Variants in DACH2 observed in about 807,000 individuals in gnomAD.
DACH2 encodes the protein dachshund homolog 2.
In DACH2, 17 loss-of-function variants were observed where a neutral mutation model predicts 35.8. The observed-to-expected ratio is 0.48, with a 90% confidence interval of 0.33 to 0.71. The LOEUF (loss-of-function observed/expected upper bound fraction) is 0.71. Ranked by LOEUF, DACH2 falls within the 30% of genes least tolerant of loss-of-function variation. DACH2 has a pLI of 0.02. For synonymous variants in DACH2, 195 were observed against 177.3 expected (o/e 1.10, Z -0.79); for missense variants, 469 against 472.7 (o/e 0.99, Z 0.07).
chrX:86,195,121 C>G (rs1222604452), intron 1 of DACH2, among the ~76,000 whole-genome samples: 1 of 113,002 alleles, frequency 8.8e-6, no homozygotes, highest in East Asian at 2.8e-4. Flanking sequence ...TTTTTGCCAG[C>G]ATGTGCGTGT....
chrX:86,612,359 C>A (rs192140806), intron 3 of DACH2, among the ~76,000 whole-genome samples: 139 of 109,846 alleles, frequency 1.3e-3, no homozygotes, highest in Non-Finnish European at 2.1e-3. Flanking sequence ...AGCTGGCCCA[C>A]ACAGGTTGTG....
At chrX:86,318,241 G>A (rs1217866145) in intron 1 of DACH2, among the ~76,000 whole-genome samples, 1 of 111,214 alleles carries the variant, frequency 9.0e-6, no homozygotes, top group Non-Finnish European at 1.9e-5. Context: ...AATGTTCCAA[G>A]CATAAGTCAA....
chrX:86,536,654 C>A (rs189367083), intron 3 of DACH2, among the ~76,000 whole-genome samples: 1 of 105,024 alleles, frequency 9.5e-6, no homozygotes, highest in East Asian at 3.2e-4. Flanking sequence ...TTTGAATCCA[C>A]CAATGACCTG....
chrX:86,794,803 T>C (rs749185656), intron 7 of DACH2, among the ~76,000 whole-genome samples: 1 of 111,628 alleles, frequency 9.0e-6, no homozygotes, highest in African/African-American at 3.2e-5. Context: ...CATATTGTAT[T>C]GCTTTTCACC....
chrX:86,532,008 C>G (rs1033148545), intron 3 of DACH2, among the ~76,000 whole-genome samples: 8 of 113,235 alleles, frequency 7.1e-5, no homozygotes, highest in African/African-American at 1.9e-4. Context: ...GATTTAATGA[C>G]TGCTCAGCTG....
rs938606557 is a variant in DACH2 at position 86,485,145 on chromosome X, A to T, written c.528-29134A>T. Among the ~76,000 whole-genome samples the T allele has an allele frequency of 4.2e-4, 47 of 112,151 alleles. 1 individual carries two copies. Among genetic ancestry groups the T allele is most frequent in the African/African-American group, 1.5e-3 (46 of 30,939 alleles). ...TTAGGAAAAAAGATATTAATTAAAA[A>T]TTATAAAATTTACAAGCATTTTTTC... On this transcript the variant is annotated intron_variant, in intron 2 of 11. Coordinates refer to ENST00000373125, the MANE Select transcript of DACH2 (RefSeq NM_053281.3).
intron 3 of DACH2, among the ~76,000 whole-genome samples, chrX:86,535,344 G>A (rs933288375): frequency 5.4e-5 from 6 of 111,384 alleles, no homozygotes; most frequent in South Asian, 3.8e-4. Context: ...ATGTGAGACC[G>A]GGTAATATAT....
chrX:86,190,264 A>G lies in DACH2; in HGVS notation c.488+41156A>G, dbSNP rs183999973. 3.5e-3 allele frequency among the ~76,000 whole-genome samples: 388 copies of G among 111,612 alleles called. 1 individual carries two copies. Among genetic ancestry groups the G allele is most frequent in the African/African-American group, 0.012 (376 of 30,750 alleles). ...ATTCTTACTTGTTAATGTCTCTGAG[A>G]CTGTCCCCTTTGTACTCTCATCCAA... On this transcript the variant is annotated intron_variant, in intron 1 of 11. Transcript: ENST00000373125.
rs141975565 is a variant in DACH2, at chrX:86,485,499, G to A, written c.528-28780G>A. Reference sequence around the variant, plus strand: ...CAGAGTTAGCAGTAATGTGTTATATGTTTCAAAATACCTAGATATTCTCAT... The same window carrying A: ...CAGAGTTAGCAGTAATGTGTTATATATTTCAAAATACCTAGATATTCTCAT... On this transcript the variant is annotated intron_variant, in intron 2 of 11. Coordinates refer to ENST00000373125, the MANE Select transcript of DACH2 (RefSeq NM_053281.3). Among the ~76,000 whole-genome samples the A allele has an allele frequency of 8.5e-4, 94 of 111,181 alleles. 4 individuals carry two copies. In the East Asian group the frequency reaches 0.025, roughly 30 times the overall value.
intron 3 of DACH2, among the ~76,000 whole-genome samples, chrX:86,571,078 T>A (rs1602658111): frequency 9.0e-6 from 1 of 111,437 alleles, no homozygotes; most frequent in African/African-American, 3.2e-5. Flanking sequence ...TTTGCTTTTA[T>A]ATTTTAATAT....
At chrX:86,739,707 G>T (rs764126919) in intron 6 of DACH2, 40 bp from the exon 7 acceptor site, 13 of 1,159,996 alleles carry the variant, frequency 1.1e-5, no homozygotes, top group South Asian at 9.6e-5. Context: ...AAAACTTGGC[G>T]CATAGATGAC....
chrX:86,596,478 AT>A (rs1455314475), intron 3 of DACH2, among the ~76,000 whole-genome samples: 1 of 111,004 alleles, frequency 9.0e-6, no homozygotes, highest in Non-Finnish European at 1.9e-5. Flanking sequence ...GATGTTGAGC[AT>A]TTTTCTTGTT....
chrX:86,680,706 T>A (rs1396028282), intron 4 of DACH2, among the ~76,000 whole-genome samples: 2 of 103,792 alleles, frequency 1.9e-5, no homozygotes, highest in Admixed American at 2.1e-4. Context: ...CAGGCTGGAG[T>A]GCAGTGGTGA....
chrX:86,248,292 C>A (rs973768737), intron 1 of DACH2, among the ~76,000 whole-genome samples: 7 of 110,735 alleles, frequency 6.3e-5, no homozygotes, highest in East Asian at 2.8e-4. Context: ...ACCTAGAAAA[C>A]CCCATAGTTT....
At chrX:86,388,465 T>C (rs780735988) in intron 2 of DACH2, among the ~76,000 whole-genome samples, 1 of 111,661 alleles carries the variant, frequency 9.0e-6, no homozygotes, top group Admixed American at 9.6e-5. Context: ...CAAACCAATG[T>C]ATTCTGTACG....
At chrX:86,637,206 CAAAAAAAAAAAAAAAAAAAAAAAAAAA>C (rs772970002) in intron 3 of DACH2, among the ~76,000 whole-genome samples, 4 of 7,764 alleles carry the variant, frequency 5.2e-4, no homozygotes, top group Non-Finnish European at 4.7e-4. Flanking sequence ...ACTGAAAAGC[CAAAAAAAAAAAAAAAAAAAAAAAAAAA>C]AAAAAAAAAA....
intron 2 of DACH2, among the ~76,000 whole-genome samples, chrX:86,401,422 C>T (rs2036427740): frequency 1.8e-5 from 2 of 112,123 alleles, no homozygotes; most frequent in African/African-American, 6.5e-5. Flanking sequence ...GTGAGATGAA[C>T]CCGGTACCTC....
chrX:86,631,711 G>A (rs1345282149), intron 3 of DACH2, among the ~76,000 whole-genome samples: 1 of 111,900 alleles, frequency 8.9e-6, no homozygotes, highest in Non-Finnish European at 1.9e-5. Context: ...CTTGCTCACA[G>A]TATTGACAGA....
intron 4 of DACH2, among the ~76,000 whole-genome samples, chrX:86,673,650 T>C (rs929454085): frequency 9.0e-6 from 1 of 110,603 alleles, no homozygotes; most frequent in African/African-American, 3.3e-5. Flanking sequence ...GAAGGGGTGA[T>C]TGTATTTTGT....
Sources: allele counts gnomAD v4.1 joint callset (sites outside exome capture counted in the v4.1 genomes callset), GRCh38; gene constraint gnomAD v4.1.1; transcripts MANE v1.5; gene names NCBI Gene and HGNC (gene_info 2026-07-23, HGNC 2026-07-21).